The following KSR2 variants were observed in gnomAD, a reference collection of about 807,000 sequenced individuals.
KSR2 encodes the protein kinase suppressor of ras 2.
A neutral mutation model predicts 107.8 loss-of-function variants in KSR2; 25 were observed. The ratio of observed to expected loss-of-function variants is 0.23; its 90% CI spans 0.17 to 0.32. The LOEUF (loss-of-function observed/expected upper bound fraction) is 0.32, where lower values mean the gene tolerates loss of function less well. Among genes scored for constraint, KSR2 ranks in the 10% least tolerant of loss-of-function variants. The pLI is 1.00. For synonymous variants in KSR2, 480 were observed against 507.0 expected (o/e 0.95, Z 0.71); for missense variants, 887 against 1,268.9 (o/e 0.70, Z 4.57).
intron 14 of KSR2, among the ~76,000 whole-genome samples, chr12:117,520,423 T>C (rs934359882): frequency 1.3e-5 from 2 of 152,198 alleles, no homozygotes; most frequent in African/African-American, 4.8e-5. Context: ...CCACGCCACC[T>C]AGCATGGCTT....
chr12:117,926,520 C>A (rs1273661142), intron 1 of KSR2, among the ~76,000 whole-genome samples: 1 of 152,178 alleles, frequency 6.6e-6, no homozygotes, highest in Non-Finnish European at 1.5e-5. Flanking sequence ...AACGGTTGGC[C>A]TCTCTCTCTG....
intron 4 of KSR2, among the ~76,000 whole-genome samples, chr12:117,698,265 C>A (rs533346833): frequency 3.3e-5 from 5 of 152,114 alleles, no homozygotes; most frequent in African/African-American, 9.6e-5. Context: ...TGGTCTCTTC[C>A]TCTCTTAGTT....
chr12:117,677,659 G>T (rs1425854098), intron 4 of KSR2, among the ~76,000 whole-genome samples: 2 of 152,160 alleles, frequency 1.3e-5, no homozygotes, highest in East Asian at 1.9e-4. Flanking sequence ...CTTTTAATGG[G>T]ATAGTTACTA....
At chr12:117,748,680 A>C (rs1412181197) in intron 4 of KSR2, among the ~76,000 whole-genome samples, 1 of 152,320 alleles carries the variant, frequency 6.6e-6, no homozygotes, top group Admixed American at 6.5e-5. Flanking sequence ...TCTAATAACA[A>C]ATTAATCAAG....
intron 9 of KSR2, among the ~76,000 whole-genome samples, chr12:117,553,893 C>T (rs1274375498): frequency 6.6e-6 from 1 of 151,496 alleles, no homozygotes; most frequent in South Asian, 2.1e-4. Context: ...TCCTTCCTTT[C>T]ACCGTGTGAT....
At chr12:117,809,215 T>C (rs144116065) in intron 3 of KSR2, among the ~76,000 whole-genome samples, 50 of 152,340 alleles carry the variant, frequency 3.3e-4, no homozygotes, top group Middle Eastern at 6.8e-3. Context: ...GGCTTAGATG[T>C]GCTGTTCCCT....
chr12:117,915,733 A>T (rs1367923189), intron 1 of KSR2, among the ~76,000 whole-genome samples: 1 of 152,148 alleles, frequency 6.6e-6, no homozygotes, highest in Non-Finnish European at 1.5e-5. Context: ...CCTGATTCAG[A>T]TATCACCTCC....
chr12:117,951,236 T>C (rs553527414), intron 1 of KSR2, among the ~76,000 whole-genome samples: 40 of 152,288 alleles, frequency 2.6e-4, no homozygotes, highest in African/African-American at 9.4e-4. Flanking sequence ...AAGAGGGCTT[T>C]ATTTGGAGCT....
intron 3 of KSR2, among the ~76,000 whole-genome samples, chr12:117,847,855 C>G (rs1892758298): frequency 6.6e-6 from 1 of 152,064 alleles, no homozygotes; most frequent in African/African-American, 2.4e-5. Flanking sequence ...TTCCCCTCCT[C>G]TTCAGGTCTC....
At chr12:117,571,396 T>C (rs1392588555) in intron 7 of KSR2, among the ~76,000 whole-genome samples, 1 of 152,164 alleles carries the variant, frequency 6.6e-6, no homozygotes, top group Admixed American at 6.5e-5. Context: ...AACTGTACCA[T>C]AAAATCTATT....
At chr12:117,672,681 G>A (rs1017264123) in intron 4 of KSR2, among the ~76,000 whole-genome samples, 3 of 152,086 alleles carry the variant, frequency 2.0e-5, no homozygotes, top group African/African-American at 7.2e-5. Context: ...CTGGAGTGCA[G>A]TGGTACGATC....
chr12:117,603,878 C>G (rs1881089947), intron 5 of KSR2, among the ~76,000 whole-genome samples: 1 of 152,192 alleles, frequency 6.6e-6, no homozygotes, highest in Non-Finnish European at 1.5e-5. Flanking sequence ...GAAACCAGCC[C>G]TTTCAGACTC....
rs894226063 is a variant in KSR2, at chr12:117,893,918, T to C, written c.181-33487A>G. Among the ~76,000 whole-genome samples the C allele has an allele frequency of 3.3e-5, 5 of 150,758 alleles. No homozygotes were observed. In the East Asian group the frequency reaches 9.7e-4, roughly 29 times the overall value. On this transcript the variant is annotated intron_variant, in intron 1 of 19. Coordinates refer to ENST00000339824, the MANE Select transcript of KSR2 (RefSeq NM_173598.6). ...CAAAGAACAAAATTCTTTTTTTTTTTTTTTTTTTTGAGACGGAGTCTCGCT... is the reference window on the plus strand; with the variant it reads ...CAAAGAACAAAATTCTTTTTTTTTTCTTTTTTTTTGAGACGGAGTCTCGCT...
chr12:117,574,767 T>G (rs559333027), intron 7 of KSR2, among the ~76,000 whole-genome samples: 1 of 152,210 alleles, frequency 6.6e-6, no homozygotes, highest in East Asian at 1.9e-4. Flanking sequence ...TGTGCATTTC[T>G]AGCCAGGTGT....
At chr12:117,472,246 C>T (rs1871505056) in intron 17 of KSR2, among the ~76,000 whole-genome samples, 1 of 152,162 alleles carries the variant, frequency 6.6e-6, no homozygotes, top group Non-Finnish European at 1.5e-5. Flanking sequence ...GAGGGATTTA[C>T]CACATTATTT....
chr12:117,712,080 G>C (rs891723907), intron 4 of KSR2, among the ~76,000 whole-genome samples: 1 of 152,204 alleles, frequency 6.6e-6, no homozygotes, highest in Non-Finnish European at 1.5e-5. Context: ...GGGGCTTCAA[G>C]TGAGCTCATG....
intron 12 of KSR2, among the ~76,000 whole-genome samples, chr12:117,528,485 C>A (rs1229656057): frequency 2.6e-5 from 4 of 152,090 alleles, no homozygotes; most frequent in African/African-American, 7.2e-5. Flanking sequence ...CTATCCTGAC[C>A]CTCAGATTGC....
At chr12:117,731,309 C>T (rs1251069002) in intron 4 of KSR2, among the ~76,000 whole-genome samples, 1 of 149,032 alleles carries the variant, frequency 6.7e-6, no homozygotes, top group African/African-American at 2.5e-5. Flanking sequence ...CGTCTCCGCC[C>T]AGCAGCCGCC....
intron 4 of KSR2, among the ~76,000 whole-genome samples, chr12:117,670,918 G>A (rs570487877): frequency 3.3e-5 from 5 of 152,090 alleles, no homozygotes; most frequent in Non-Finnish European, 5.9e-5. Context: ...ATGCTACCAC[G>A]TGTATAATGC....
Sources: allele counts gnomAD v4.1 joint callset (sites outside exome capture counted in the v4.1 genomes callset), GRCh38; gene constraint gnomAD v4.1.1; transcripts MANE v1.5; gene names NCBI Gene and HGNC (gene_info 2026-07-23, HGNC 2026-07-21).